Variants in EFHD1 observed in about 807,000 individuals in gnomAD.
EFHD1 encodes the protein EF-hand domain-containing protein D1.
Under a neutral mutation model 17.2 loss-of-function variants are expected in EFHD1, and 10 were observed. The observed-to-expected ratio is 0.58, with a 90% CI of 0.36 to 0.99. EFHD1 has a LOEUF of 0.99. Among genes scored for constraint, EFHD1 ranks in the 50% least tolerant of loss-of-function variants. The probability of loss-of-function intolerance (pLI) is 0.01; values close to 1 mark genes in which losing one functional copy is unlikely to be tolerated. For synonymous variants in EFHD1, 153 were observed against 142.0 expected (o/e 1.08, Z -0.55); for missense variants, 310 against 327.5 (o/e 0.95, Z 0.41).
At chr2:232,680,967 GA>G (rs1240864671) in intron 3 of EFHD1, among the ~76,000 whole-genome samples, 1 of 151,900 alleles carries the variant, frequency 6.6e-6, no homozygotes, top group Non-Finnish European at 1.5e-5. Flanking sequence ...AGGAGTTCGA[GA>G]CCAGCCTCCA....
chr2:232,636,622 G>A (rs1454905865), intron 1 of EFHD1, among the ~76,000 whole-genome samples: 2 of 151,978 alleles, frequency 1.3e-5, no homozygotes, highest in Admixed American at 6.6e-5. Flanking sequence ...TCAGGAGTTC[G>A]AGGCCAGCCT....
intron 3 of EFHD1, among the ~76,000 whole-genome samples, chr2:232,674,955 A>C (rs533221526): frequency 6.6e-5 from 10 of 152,110 alleles, no homozygotes; most frequent in African/African-American, 2.4e-4. Flanking sequence ...CGGAGGTGAA[A>C]GCCAAGATGC....
chr2:232,675,252 AAAGAAAAG>A (rs967252679), intron 3 of EFHD1, among the ~76,000 whole-genome samples: 2 of 59,766 alleles, frequency 3.3e-5, no homozygotes, highest in Non-Finnish European at 8.4e-5. Context: ...AAAAGAAAGA[AAAGAAAAG>A]AAAAGAAAAG....
intron 3 of EFHD1, among the ~76,000 whole-genome samples, chr2:232,677,545 C>A (rs1030930157): frequency 2.0e-5 from 3 of 151,944 alleles, no homozygotes; most frequent in Admixed American, 2.0e-4. Flanking sequence ...CATAGTGAGA[C>A]CCTCTCATTA....
chr2:232,629,848 C>T (rs1388468410), upstream of EFHD1, among the ~76,000 whole-genome samples: 1 of 150,930 alleles, frequency 6.6e-6, no homozygotes, highest in East Asian at 1.9e-4. Context: ...AATTTGCCCC[C>T]TTTAGTTTTT....
intron 1 of EFHD1, among the ~76,000 whole-genome samples, chr2:232,607,807 G>T (rs1311626603): frequency 1.3e-5 from 2 of 150,818 alleles, no homozygotes; most frequent in Non-Finnish European, 2.9e-5. Flanking sequence ...TTAATTTAAG[G>T]TTAGGGCCAG....
At chr2:232,646,377 C>T (rs1386971919) in intron 1 of EFHD1, among the ~76,000 whole-genome samples, 1 of 149,902 alleles carries the variant, frequency 6.7e-6, no homozygotes, top group African/African-American at 2.4e-5. Flanking sequence ...CAGTTGATTA[C>T]ACTTAGGTCT....
At position 232,682,626 on chromosome 2, in the gene EFHD1, A is replaced by G. The variant is rs1274666943; in HGVS notation, c.*907A>G. 6.6e-6 allele frequency: 1 copy of G among 152,198 alleles called. No individual in the cohort carries two copies. Among genetic ancestry groups the G allele is most frequent in the Non-Finnish European group, 1.5e-5 (1 of 68,044 alleles). 9.4% of individuals were successfully genotyped at this position (152,198 alleles called of 1,614,324 possible). A position where few individuals can be genotyped will look rare whatever the true frequency, so the allele number is the denominator to read the frequency against. On this transcript the variant is annotated 3_prime_UTR_variant, in exon 4 of 4. Transcript: ENST00000264059. ...CATCTGTTTCAGGGTATCCAGCTGT[A>G]GATGTTCTTATCCCCCATACTTGTG...
At chr2:232,614,031 C>T (rs1426878281) in intron 1 of EFHD1, among the ~76,000 whole-genome samples, 1 of 134,334 alleles carries the variant, frequency 7.4e-6, no homozygotes, top group Non-Finnish European at 1.6e-5. Flanking sequence ...AATACACACA[C>T]AAACATACAC....
At chr2:232,644,148 C>A (rs1694482901) in intron 1 of EFHD1, among the ~76,000 whole-genome samples, 1 of 152,184 alleles carries the variant, frequency 6.6e-6, no homozygotes, top group Admixed American at 6.5e-5. Flanking sequence ...CTCCAAAGAG[C>A]CTGGCATGGT....
intron 1 of EFHD1, chr2:232,638,290 A>G: frequency 4.3e-6 from 2 of 468,052 alleles, no homozygotes; most frequent in Non-Finnish European, 8.9e-6. Flanking sequence ...CCAATGCAAC[A>G]TCTTAAAATG....
At chr2:232,638,867 T>G (rs761754660) in intron 1 of EFHD1, among the ~76,000 whole-genome samples, 1 of 152,192 alleles carries the variant, frequency 6.6e-6, no homozygotes, top group Non-Finnish European at 1.5e-5. Context: ...TTTGTACATT[T>G]GACAATTTTG....
intron 2 of EFHD1, among the ~76,000 whole-genome samples, chr2:232,663,746 T>C (rs76146026): frequency 0.074 from 11,329 of 152,182 alleles, 799 homozygotes; most frequent in East Asian, 0.21. Flanking sequence ...CTCCAGCATT[T>C]ATCATTTCTT....
Position 232,634,014 on chromosome 2 carries a change from C to G in EFHD1, c.302+8C>G, listed in dbSNP as rs1420918212. The G allele has an allele frequency of 2.5e-6, 4 of 1,596,920 alleles. No individual in the cohort carries two copies. The South Asian group carries it at 4.4e-5, about 18-fold the overall frequency. On this transcript the variant is annotated splice_region_variant and intron_variant, in intron 1 of 3. Coordinates refer to ENST00000264059, the MANE Select transcript of EFHD1 (RefSeq NM_025202.4). Reference sequence around the variant, plus strand: ...GGAGAGCATGTTCAAACTGTGAGCTCCCGCTGCGCGCCCTTCGCCCCCGGG... The same window carrying G: ...GGAGAGCATGTTCAAACTGTGAGCTGCCGCTGCGCGCCCTTCGCCCCCGGG...
At chr2:232,680,081 C>T (rs181210898) in intron 3 of EFHD1, among the ~76,000 whole-genome samples, 90 of 151,898 alleles carry the variant, frequency 5.9e-4, no homozygotes, top group South Asian at 5.0e-3. Context: ...AAGACCAGCC[C>T]GGGCAACGTG....
At chr2:232,617,510 C>T (rs977434404) in intron 1 of EFHD1, among the ~76,000 whole-genome samples, 3 of 151,712 alleles carry the variant, frequency 2.0e-5, no homozygotes, top group Admixed American at 6.6e-5. Context: ...AAAAATTAGC[C>T]AGGCGTGGTG....
chr2:232,649,328 C>T (rs1267867567), intron 1 of EFHD1, among the ~76,000 whole-genome samples: 1 of 152,190 alleles, frequency 6.6e-6, no homozygotes, highest in Non-Finnish European at 1.5e-5. Context: ...AGTCACGCCT[C>T]ACTCTACCGC....
chr2:232,629,220 A>G (rs1182467622), upstream of EFHD1, among the ~76,000 whole-genome samples: 1 of 152,238 alleles, frequency 6.6e-6, no homozygotes, highest in Non-Finnish European at 1.5e-5. Context: ...TTACACAGCA[A>G]TAGAACTGAA....
chr2:232,646,423 C>T (rs1452319970), intron 1 of EFHD1, among the ~76,000 whole-genome samples: 2 of 139,492 alleles, frequency 1.4e-5, no homozygotes, highest in East Asian at 4.2e-4. Context: ...TCTCTTTTCT[C>T]TTCTCTTCTC....
Sources: allele counts gnomAD v4.1 joint callset (sites outside exome capture counted in the v4.1 genomes callset), GRCh38; gene constraint gnomAD v4.1.1; transcripts MANE v1.5; gene names NCBI Gene and HGNC (gene_info 2026-07-23, HGNC 2026-07-21).